The following GABRB1 variants were observed in gnomAD, a reference collection of about 807,000 sequenced individuals.
GABRB1 encodes the protein gamma-aminobutyric acid type A receptor subunit beta1.
Under a neutral mutation model 51.6 loss-of-function variants are expected in GABRB1, and 17 were observed. That is an observed-to-expected ratio of 0.33 (90% CI 0.23 to 0.49). GABRB1 has a LOEUF of 0.49. GABRB1 is among the 20% of genes least tolerant of loss of function. The pLI is 0.99. For missense variants in GABRB1, 410 were observed against 600.6 expected, an observed-to-expected ratio of 0.68 and a Z score of 3.32; for synonymous variants, 247 against 218.9, an observed-to-expected ratio of 1.13 and a Z score of -1.14.
intron 4 of GABRB1, among the ~76,000 whole-genome samples, chr4:47,209,709 T>A (rs747412305): frequency 6.6e-6 from 1 of 151,454 alleles, no homozygotes; most frequent in Non-Finnish European, 1.5e-5. Flanking sequence ...ATTGAATCAG[T>A]GAATCAAAAA....
intron 4 of GABRB1, among the ~76,000 whole-genome samples, chr4:47,238,497 G>A (rs1039275412): frequency 1.3e-5 from 2 of 151,992 alleles, no homozygotes; most frequent in African/African-American, 4.8e-5. Flanking sequence ...CAACAAATAG[G>A]TAATCTTACA....
At chr4:47,160,190 G>C (rs1351760651) in intron 3 of GABRB1, among the ~76,000 whole-genome samples, 2 of 152,076 alleles carry the variant, frequency 1.3e-5, no homozygotes, top group Non-Finnish European at 2.9e-5. Flanking sequence ...GAAAGAAAAA[G>C]TTCAGGGGGA....
chr4:47,365,798 A>G (rs1045593371), intron 5 of GABRB1, among the ~76,000 whole-genome samples: 1 of 152,052 alleles, frequency 6.6e-6, no homozygotes, highest in African/African-American at 2.4e-5. Context: ...CTCCTGAGCT[A>G]CACCCTCTGG....
chr4:47,186,994 A>G (rs1031508238), intron 4 of GABRB1, among the ~76,000 whole-genome samples: 1 of 151,908 alleles, frequency 6.6e-6, no homozygotes. Flanking sequence ...TGAAGAAATA[A>G]AGGCCAGAGA....
At chr4:47,019,549 TTCTCTCTCTC>T (rs142639522) in intron 1 of GABRB1, among the ~76,000 whole-genome samples, 87 of 128,896 alleles carry the variant, frequency 6.7e-4, no homozygotes, top group African/African-American at 2.6e-3. Flanking sequence ...CAGGTTTAGT[TTCTCTCTCTC>T]TCTCTCTCTC....
chr4:47,117,968 C>A (rs991955329), intron 3 of GABRB1, among the ~76,000 whole-genome samples: 3 of 152,112 alleles, frequency 2.0e-5, no homozygotes, highest in African/African-American at 7.2e-5. Context: ...TTGCTAAATT[C>A]TTGAAGAAGG....
Position 47,032,472 on chromosome 4 carries a change from C to G in GABRB1, c.228C>G (p.Ser76=). The G allele has an allele frequency of 1.2e-6, 2 of 1,613,052 alleles. No individual in the cohort carries two copies. Among genetic ancestry groups the G allele is most frequent in the Non-Finnish European group, 1.7e-6 (2 of 1,179,432 alleles). ...RIDVASIDMV[S]EVNMDYTLTM... is the part of the protein sequence containing the mutation. ...ATGTCGCCAGCATAGACATGGTCTC[C>G]GAAGTGAATATGGTGAGTGGCCTCC... The change falls in exon 3 of 9, where the codon TCC becomes TCG. Residue 76 remains serine (S), a synonymous_variant. Transcript: ENST00000295454.
chr4:47,249,918 A>G (rs949613794), intron 4 of GABRB1, among the ~76,000 whole-genome samples: 23 of 152,136 alleles, frequency 1.5e-4, no homozygotes, highest in Admixed American at 1.5e-3. Flanking sequence ...CATTTAGGCC[A>G]TTTACATTCA....
intron 4 of GABRB1, among the ~76,000 whole-genome samples, chr4:47,190,773 AT>A (rs1235253398): frequency 6.6e-6 from 1 of 152,086 alleles, no homozygotes; most frequent in Non-Finnish European, 1.5e-5. Context: ...GAAAACATAT[AT>A]TTTGATTCAG....
intron 5 of GABRB1, among the ~76,000 whole-genome samples, chr4:47,377,653 G>T (rs1295537446): frequency 6.6e-6 from 1 of 152,160 alleles, no homozygotes; most frequent in African/African-American, 2.4e-5. Context: ...ACATCCTGCT[G>T]ATTGGTAGAG....
intron 4 of GABRB1, among the ~76,000 whole-genome samples, chr4:47,270,215 T>C (rs1722818456): frequency 6.6e-6 from 1 of 152,198 alleles, no homozygotes; most frequent in Non-Finnish European, 1.5e-5. Flanking sequence ...GTTTTAGCCT[T>C]AGGATGCCAT....
intron 3 of GABRB1, among the ~76,000 whole-genome samples, chr4:47,140,624 C>T (rs1267740886): frequency 6.6e-6 from 1 of 151,890 alleles, no homozygotes; most frequent in Non-Finnish European, 1.5e-5. Context: ...TACTTAGCTC[C>T]AACATTCCAT....
rs1299038703 is a variant in GABRB1 at position 47,019,672 on chromosome 4, TTTCTTTCC to T, written c.-19-12228_-19-12221del. ...CTTTCTTTCTTTCTTTCTTTCTTTC[TTTCTTTCC>T]TTCTTTCCTTCTTCTTTCCTTCTTT... On this transcript the variant is annotated intron_variant, in intron 1 of 3. Coordinates refer to the GABRB1 transcript ENST00000513567. Among the ~76,000 whole-genome samples the T allele has an allele frequency of 1.5e-4, 21 of 141,112 alleles. No homozygotes were observed. In the East Asian group the frequency reaches 3.7e-3, roughly 25 times the overall value. 92.6% of individuals were successfully genotyped at this position (141,112 alleles called of 152,430 possible).
upstream of GABRB1, among the ~76,000 whole-genome samples, chr4:47,030,532 A>AG (rs1725255554): frequency 6.6e-6 from 1 of 152,192 alleles, no homozygotes; most frequent in Non-Finnish European, 1.5e-5. Flanking sequence ...CTAGGACAAG[A>AG]ACCCTTTTTG....
intron 4 of GABRB1, among the ~76,000 whole-genome samples, chr4:47,292,672 T>C (rs916599110): frequency 2.6e-5 from 4 of 152,220 alleles, no homozygotes; most frequent in Admixed American, 6.5e-5. Flanking sequence ...GCAGACTGGG[T>C]AATTTATTGT....
At chr4:47,079,071 C>A (rs1727705061) in intron 3 of GABRB1, among the ~76,000 whole-genome samples, 1 of 152,104 alleles carries the variant, frequency 6.6e-6, no homozygotes, top group African/African-American at 2.4e-5. Flanking sequence ...GTCTAAAATT[C>A]TCTTTTTTTG....
intron 4 of GABRB1, among the ~76,000 whole-genome samples, chr4:47,259,151 T>A: frequency 6.6e-6 from 1 of 152,048 alleles, no homozygotes; most frequent in East Asian, 1.9e-4. Flanking sequence ...AGAGCCCCAT[T>A]TAACAATCCC....
chr4:47,010,954 CT>C lies in GABRB1; in HGVS notation c.-20+17039del, dbSNP rs1010095756. 1.0e-3 allele frequency among the ~76,000 whole-genome samples: 150 copies of C among 147,596 alleles called. 2 individuals are homozygous for C. The highest frequency in any genetic ancestry group is 2.5e-3 in the East Asian group (13 of 5,104). ...ACACAGTGGATTTTTGAACCTGACA[CT>C]TTTTTTTTTTAAACTCATTGCCACT... On this transcript the variant is annotated intron_variant, in intron 1 of 3. Coordinates refer to the GABRB1 transcript ENST00000513567.
At chr4:47,422,787 C>A (rs1466694305) in intron 8 of GABRB1, among the ~76,000 whole-genome samples, 1 of 152,078 alleles carries the variant, frequency 6.6e-6, no homozygotes, top group African/African-American at 2.4e-5. Context: ...ATAACAAACT[C>A]TTTTTTTCCA....
Sources: gnomAD v4.1 joint callset for allele counts (sites outside exome capture counted in the v4.1 genomes callset) on GRCh38, gnomAD v4.1.1 for gene constraint, MANE v1.5 for transcripts, NCBI Gene and HGNC (gene_info 2026-07-23, HGNC 2026-07-21) for gene names.